The following ZNF483 variants were observed in gnomAD, a reference collection of about 807,000 sequenced individuals.
The protein encoded by ZNF483 is zinc finger protein HIT-10.
In ZNF483, 9 loss-of-function variants were observed where a neutral mutation model predicts 28.6. The observed-to-expected ratio is 0.32, with a 90% CI of 0.19 to 0.55. The LOEUF is 0.55. Among genes scored for constraint, ZNF483 ranks in the 20% least tolerant of loss-of-function variants. ZNF483 has a pLI of 0.93. For missense variants in ZNF483, 675 were observed against 871.7 expected, an observed-to-expected ratio of 0.77 and a Z score of 2.84; for synonymous variants, 322 against 306.2, an observed-to-expected ratio of 1.05 and a Z score of -0.54.
downstream of ZNF483, among the ~76,000 whole-genome samples, chr9:111,555,911 C>T (rs1299623960): frequency 6.6e-6 from 1 of 152,196 alleles, no homozygotes; most frequent in African/African-American, 2.4e-5. Context: ...GCTAATCATG[C>T]CTTCCCAACA....
downstream of ZNF483, among the ~76,000 whole-genome samples, chr9:111,556,675 C>T (rs565309699): frequency 1.3e-5 from 2 of 152,326 alleles, no homozygotes; most frequent in Admixed American, 6.5e-5. Context: ...ATCATGGTGG[C>T]AGATTTCCCT....
Position 111,541,752 on chromosome 9 carries a change from G to A in ZNF483, c.817G>A (p.Glu273Lys). ...CCAGCAATATTGTGGCAGCTCAGAG[G>A]AGGATCACGGTAATCAGGGAAATTC... ...ESQQYCGSSE[E>K]DHGNQGNSKG... Residue 273 changes from glutamate (E) to lysine (K), a missense_variant, in exon 6 of 6, where the codon GAG (glutamate) becomes AAG (lysine). Glu to Lys is a moderately conservative substitution (Grantham distance 56, BLOSUM62 1). Around this residue, in one of 6 missense-constraint regions of ZNF483, gnomAD observed 525 missense variants for 581.8 expected, o/e 0.90. Transcript: ENST00000309235. The A allele has an allele frequency of 6.2e-7, 1 of 1,614,180 alleles. No homozygotes were observed. The highest frequency in any genetic ancestry group is 2.2e-5 in the East Asian group (1 of 44,874).
chr9:111,534,277 A>G lies in ZNF483; in HGVS notation c.645A>G (p.Lys215=). 1 of 1,614,140 alleles carries G rather than the reference A, an allele frequency of 6.2e-7. No homozygotes were observed. Among genetic ancestry groups the G allele is most frequent in the Non-Finnish European group, 8.5e-7 (1 of 1,180,006 alleles). Residue 215 remains lysine (K), a synonymous_variant, in exon 5 of 6, where the codon AAA becomes AAG. Transcript: ENST00000309235. ...TATGAGCAGACTTTCCAGTTTCAAA[A>G]TTAGAGTTGATTTCCCAGCTAAAGT... The part of the protein sequence containing the change: ...NLEFLDFPVS[K]LELISQLKWV...
At chr9:111,567,803 T>C (rs1828632469) in intron 5 of ZNF483, among the ~76,000 whole-genome samples, 1 of 152,190 alleles carries the variant, frequency 6.6e-6, no homozygotes, top group Non-Finnish European at 1.5e-5. Context: ...AGTCCACTAC[T>C]GTTGCGGGAA....
intron 3 of ZNF483, 84 bp downstream of exon 3, chr9:111,531,047 G>T: frequency 1.8e-6 from 1 of 563,660 alleles, no homozygotes. Context: ...AAAAATAAAA[G>T]GCTAGGCACG....
chr9:111,570,614 T>TAA (rs75586959), intron 5 of ZNF483, among the ~76,000 whole-genome samples: 1 of 138,974 alleles, frequency 7.2e-6, no homozygotes, highest in Admixed American at 7.2e-5. Flanking sequence ...TTCTAAAAAT[T>TAA]AAAAAAAAAA....
chr9:111,561,315 G>A (rs900561633), intron 5 of ZNF483, among the ~76,000 whole-genome samples: 1 of 151,760 alleles, frequency 6.6e-6, no homozygotes, highest in African/African-American at 2.4e-5. Context: ...TTACTCTGCT[G>A]CCCATGCTGG....
At chr9:111,529,631 C>A (rs961524865) in intron 2 of ZNF483, among the ~76,000 whole-genome samples, 3 of 152,224 alleles carry the variant, frequency 2.0e-5, no homozygotes, top group African/African-American at 7.2e-5. Flanking sequence ...TAGGATACTT[C>A]ACAATTCATT....
At chr9:111,540,426 T>C (rs1476094596) in intron 5 of ZNF483, among the ~76,000 whole-genome samples, 1 of 152,210 alleles carries the variant, frequency 6.6e-6, no homozygotes. Context: ...AGTTAATTAG[T>C]GAATTCAGAA....
Position 111,551,358 on chromosome 9 carries a change from T to C in ZNF483, c.*8188T>C, listed in dbSNP as rs2132280530. On this transcript the variant is annotated 3_prime_UTR_variant, in exon 6 of 6. Transcript: ENST00000309235. Reference sequence around the variant, plus strand: ...AAACATACTTTGTTGTTGTTCTAAATATACTTAATTTTCCAATAACTGAAT... The same window carrying C: ...AAACATACTTTGTTGTTGTTCTAAACATACTTAATTTTCCAATAACTGAAT... Among the ~76,000 whole-genome samples, 1 of 150,286 alleles carries C rather than the reference T, an allele frequency of 6.7e-6. No homozygotes were observed. The highest frequency in any genetic ancestry group is 2.4e-5 in the African/African-American group (1 of 41,112).
rs953416997 is a variant in ZNF483, at chr9:111,570,307, G to A, written c.722-6058G>A. On this transcript the variant is annotated intron_variant, in intron 5 of 5. Transcript: ENST00000358151. ...ACTGTCACTGTGCTTGGTGCTGGGA[G>A]TTTTTTGGTGCTTCTCCCCTTCCAT... 2.0e-6 allele frequency: 3 copies of A among 1,470,448 alleles called. No individual in the cohort carries two copies. In the African/African-American group the frequency reaches 4.2e-5, roughly 21 times the overall value. 91.1% of individuals were successfully genotyped at this position (1,470,448 alleles called of 1,614,324 possible). A position where few individuals can be genotyped will look rare whatever the true frequency, so the allele number is the denominator to read the frequency against.
intron 5 of ZNF483, 125 bp downstream of exon 5, chr9:111,534,478 C>G: frequency 1.3e-6 from 1 of 775,392 alleles, no homozygotes; most frequent in Non-Finnish European, 2.1e-6. Flanking sequence ...AGAGCCCTTG[C>G]CTTCCTGAAA....
downstream of ZNF483, among the ~76,000 whole-genome samples, chr9:111,557,047 C>T (rs1188792656): frequency 1.3e-5 from 2 of 152,162 alleles, no homozygotes; most frequent in Non-Finnish European, 1.5e-5. Flanking sequence ...AGGGCTGCCG[C>T]GAAGATCTCT....
intron 3 of ZNF483, 85 bp from the exon 4 acceptor site, chr9:111,533,654 G>A (rs958513345): frequency 2.2e-6 from 3 of 1,367,876 alleles, no homozygotes; most frequent in East Asian, 2.7e-5. Flanking sequence ...GGGCGACAGA[G>A]CCATAATAGC....
chr9:111,561,108 T>G (rs189823032), intron 5 of ZNF483, among the ~76,000 whole-genome samples: 4,214 of 20,730 alleles, frequency 0.2, 561 homozygotes, highest in East Asian at 0.31. Context: ...TATATATATA[T>G]ATAGAGAGAG....
Position 111,530,876 on chromosome 9 carries a change from T to C in ZNF483, c.414T>C (p.Asp138=). The change falls in exon 3 of 6, where the codon GAT becomes GAC. Residue 138 remains aspartate (D), a splice_region_variant and synonymous_variant. Coordinates refer to ENST00000309235, the MANE Select transcript of ZNF483 (RefSeq NM_133464.5). Reference sequence around the variant, plus strand: ...GACTGGTTTTCTCCCCTTTCCTAGATCCAGTCTCTCAAGATTCTACTGTTT... The same window carrying C: ...GACTGGTTTTCTCCCCTTTCCTAGACCCAGTCTCTCAAGATTCTACTGTTT... The part of the protein sequence containing the change: ...EDLTQMLEEK[D]PVSQDSTVSQ... 6.9e-7 allele frequency: 1 copy of C among 1,449,608 alleles called. No homozygotes were observed. Among genetic ancestry groups the C allele is most frequent in the Non-Finnish European group, 9.3e-7 (1 of 1,077,040 alleles). 89.8% of individuals were successfully genotyped at this position (1,449,608 alleles called of 1,614,324 possible). A position where few individuals can be genotyped will look rare whatever the true frequency, so the allele number is the denominator to read the frequency against.
At chr9:111,535,443 G>GA (rs144970235) in intron 5 of ZNF483, among the ~76,000 whole-genome samples, 3,141 of 152,272 alleles carry the variant, frequency 0.021, 119 homozygotes, top group African/African-American at 0.072. Flanking sequence ...TTGTTAAAGG[G>GA]AAAAAATGTA....
Position 111,542,222 on chromosome 9 carries a change from T to G in ZNF483, c.1287T>G (p.Asp429Glu), listed in dbSNP as rs146255640. Residue 429 changes from aspartate to glutamate, a missense_variant, in exon 6 of 6, where the codon GAT (aspartate) becomes GAG (glutamate). Asp to Glu is a conservative substitution (Grantham distance 45). This residue lies in a region of ZNF483 where 525 missense variants were observed against 581.8 expected (regional missense o/e 0.90). Coordinates refer to ENST00000309235, the MANE Select transcript of ZNF483 (RefSeq NM_133464.5). The surrounding 1 kb of genome is among the most constrained non-coding windows in gnomAD (Gnocchi z 6.2). ...DSCQEAALNKDEGNESGEKTH... is the reference protein window; with the variant it reads ...DSCQEAALNKEEGNESGEKTH... ...GTCAAGAAGCAGCCTTAAATAAAGA[T>G]GAGGGAAATGAGAGTGGAGAAAAAA... 166 of 1,613,930 alleles carry G rather than the reference T, an allele frequency of 1.0e-4. No individual in the cohort carries two copies. The highest frequency in any genetic ancestry group is 1.4e-4 in the Non-Finnish European group (160 of 1,180,020).
chr9:111,555,424 C>T (rs1403683824), downstream of ZNF483, among the ~76,000 whole-genome samples: 2 of 152,112 alleles, frequency 1.3e-5, no homozygotes, highest in Admixed American at 6.6e-5. Context: ...CATCAGAAGG[C>T]CGTTGTGCTA....
Sources: allele counts gnomAD v4.1 joint callset (sites outside exome capture counted in the v4.1 genomes callset), GRCh38; gene constraint gnomAD v4.1.1; regional missense constraint gnomAD v4.1.1; non-coding constraint Gnocchi (gnomAD v3.1); transcripts MANE v1.5; gene names NCBI Gene and HGNC (gene_info 2026-07-23, HGNC 2026-07-21).